Variants in USP34 observed in about 807,000 individuals in gnomAD.
USP34 encodes the protein ubiquitin carboxyl-terminal hydrolase 34.
A neutral mutation model predicts 460.3 loss-of-function variants in USP34; 70 were observed. The observed-to-expected ratio is 0.15, with a 90% CI of 0.13 to 0.19. The LOEUF is 0.19. USP34 is among the 10% of genes least tolerant of loss of function. USP34 has a pLI of 1.00. For synonymous variants in USP34, 1,647 were observed against 1,405.3 expected (o/e 1.17, Z -3.85); for missense variants, 3,985 against 4,236.2 (o/e 0.94, Z 1.65).
intron 33 of USP34, among the ~76,000 whole-genome samples, chr2:61,289,723 A>T (rs889523156): frequency 1.7e-4 from 26 of 152,304 alleles, no homozygotes; most frequent in African/African-American, 6.0e-4. Flanking sequence ...AATTGGTGCT[A>T]TAAAAACCAA....
intron 3 of USP34, among the ~76,000 whole-genome samples, chr2:61,402,010 G>A (rs1348494495): frequency 6.6e-6 from 1 of 151,786 alleles, no homozygotes; most frequent in African/African-American, 2.4e-5. Context: ...CCAGCACTTT[G>A]GAGGTCAAGG....
chr2:61,358,320 CAAAG>C (rs1028614238), intron 10 of USP34, among the ~76,000 whole-genome samples: 4 of 151,696 alleles, frequency 2.6e-5, no homozygotes, highest in Admixed American at 1.3e-4. Flanking sequence ...AAAAAAAAGA[CAAAG>C]AACTCAAAGC....
intron 5 of USP34, among the ~76,000 whole-genome samples, chr2:61,389,670 T>C (rs1490905698): frequency 6.6e-6 from 1 of 152,188 alleles, no homozygotes; most frequent in African/African-American, 2.4e-5. Flanking sequence ...TCTTTAACAC[T>C]ACTATAGATC....
chr2:61,418,576 C>T (rs868272440), intron 2 of USP34, among the ~76,000 whole-genome samples: 1 of 152,170 alleles, frequency 6.6e-6, no homozygotes, highest in African/African-American at 2.4e-5. Flanking sequence ...TCCACGGGCC[C>T]CAAGTTAAGA....
At chr2:61,416,823 G>GGGGGGGT in intron 2 of USP34, 1 of 379,128 alleles carries the variant, frequency 2.6e-6, no homozygotes, top group Non-Finnish European at 4.6e-6. Context: ...TTTTTTTTTG[G>GGGGGGGT]GGGGGGGGAC....
chr2:61,313,070 T>C (rs1690643013), intron 25 of USP34, among the ~76,000 whole-genome samples: 1 of 151,924 alleles, frequency 6.6e-6, no homozygotes, highest in Non-Finnish European at 1.5e-5. Flanking sequence ...GAAAAATACC[T>C]AAGTAAATTT....
intron 1 of USP34, among the ~76,000 whole-genome samples, chr2:61,457,826 T>G (rs778924298): frequency 6.6e-6 from 1 of 152,072 alleles, no homozygotes; most frequent in Non-Finnish European, 1.5e-5. Context: ...CCAGCCTGAG[T>G]GACAGAGTGA....
intron 75 of USP34, among the ~76,000 whole-genome samples, chr2:61,202,088 T>C (rs1686992548): frequency 6.6e-6 from 1 of 152,166 alleles, no homozygotes; most frequent in South Asian, 2.1e-4. Context: ...AATCTAAAAA[T>C]GCTCTAATCA....
intron 10 of USP34, among the ~76,000 whole-genome samples, chr2:61,360,173 C>T (rs1176383727): frequency 6.6e-6 from 1 of 152,032 alleles, no homozygotes; most frequent in Non-Finnish European, 1.5e-5. Flanking sequence ...AGTATTACCA[C>T]TCCTATTCAA....
At position 61,398,415 on chromosome 2, in the gene USP34, G is replaced by T. The variant is rs996570312; in HGVS notation, c.553-3182C>A. 4.1e-5 allele frequency among the ~76,000 whole-genome samples: 6 copies of T among 146,192 alleles called. 1 individual carries two copies. The highest frequency in any genetic ancestry group is 1.5e-4 in the African/African-American group (6 of 39,560). ...GAGGACAGAAAGAGAGGGAGAGAAG[G>T]GGGGTGAAAGGGTAAGGGAGGAGGA... On this transcript the variant is annotated intron_variant, in intron 3 of 79. Transcript: ENST00000398571.
chr2:61,234,488 T>C (rs1221958667), intron 57 of USP34, among the ~76,000 whole-genome samples: 1 of 152,026 alleles, frequency 6.6e-6, no homozygotes, highest in Non-Finnish European at 1.5e-5. Flanking sequence ...GGTGGATAGG[T>C]GAATTTTTTT....
intron 1 of USP34, among the ~76,000 whole-genome samples, chr2:61,464,158 A>C (rs1017429064): frequency 1.3e-5 from 2 of 152,172 alleles, no homozygotes; most frequent in African/African-American, 4.8e-5. Flanking sequence ...GTCTCGACTA[A>C]AAATACAAAC....
rs1308720738 is a variant in USP34 at position 61,272,414 on chromosome 2, A to G, written c.5433+5751T>C. On this transcript the variant is annotated intron_variant, in intron 41 of 79. Transcript: ENST00000398571. ...TGACAGAGGGAGACCCCATCTCAAA[A>G]AAAAAAAAAAAAAAAAATTAGGAGT... Among the ~76,000 whole-genome samples, 79 of 150,780 alleles carry G rather than the reference A, an allele frequency of 5.2e-4. No individual in the cohort carries two copies. The South Asian group carries it at 5.3e-3, about 10-fold the overall frequency.
At position 61,463,144 on chromosome 2, in the gene USP34, G is replaced by C. The variant is rs77364248; in HGVS notation, c.43+7506C>G. The stretch of plus-strand genomic sequence containing the variant: ...ATCTAAAAAGCTCTGGAAACATGTA[G>C]TTTTATTAAACGGTTCACTGCAGAA... On this transcript the variant is annotated intron_variant, in intron 1 of 79. Transcript: ENST00000398571. 1.6e-3 allele frequency among the ~76,000 whole-genome samples: 250 copies of C among 152,122 alleles called. 1 individual carries two copies. Among genetic ancestry groups the C allele is most frequent in the African/African-American group, 5.9e-3 (246 of 41,522 alleles).
chr2:61,248,653 C>G lies in USP34; in HGVS notation c.6252G>C (p.Leu2084Phe). 1 of 1,569,144 alleles carries G rather than the reference C, an allele frequency of 6.4e-7. No individual in the cohort carries two copies. Among genetic ancestry groups the G allele is most frequent in the Non-Finnish European group, 8.7e-7 (1 of 1,153,704 alleles). ...ATGTGTATCTCATAGTATTGAAACTCAAAATGCGAGGCAATTTCTTAAAAC... is the reference window on the plus strand; with the variant it reads ...ATGTGTATCTCATAGTATTGAAACTGAAAATGCGAGGCAATTTCTTAAAAC... ...RACFKKLPRILSFNTMRYTFN... is the reference protein window; with the variant it reads ...RACFKKLPRIFSFNTMRYTFN... The change falls in exon 49 of 80, where the codon TTG (leucine) becomes TTC (phenylalanine). Residue 2084 changes from leucine to phenylalanine, a missense_variant. Around this residue, in one of 14 missense-constraint regions of USP34, gnomAD observed 145 missense variants for 291.6 expected, o/e 0.50. Coordinates refer to ENST00000398571, the MANE Select transcript of USP34 (RefSeq NM_014709.4).
At chr2:61,215,657 A>T (rs1221764931) in intron 67 of USP34, among the ~76,000 whole-genome samples, 1 of 152,208 alleles carries the variant, frequency 6.6e-6, no homozygotes. Flanking sequence ...AGCAAAGACC[A>T]AGGTCACACA....
chr2:61,320,848 A>G (rs1282917883), intron 21 of USP34, among the ~76,000 whole-genome samples: 2 of 152,162 alleles, frequency 1.3e-5, no homozygotes, highest in Non-Finnish European at 2.9e-5. Flanking sequence ...CGTCTCTACT[A>G]AAAATACAAA....
chr2:61,350,172 GA>G, intron 12 of USP34, 87 bp downstream of exon 12: 1 of 1,355,974 alleles, frequency 7.4e-7, no homozygotes, highest in Non-Finnish European at 1.0e-6. Context: ...TTAAAATAAA[GA>G]TTGAACTGAA....
intron 34 of USP34, 113 bp downstream of exon 34, chr2:61,288,564 G>T: frequency 1.9e-6 from 2 of 1,073,600 alleles, no homozygotes; most frequent in Non-Finnish European, 2.8e-6. Flanking sequence ...CGTCAGTTCA[G>T]CTGTCAGGTT....
Sources: allele counts gnomAD v4.1 joint callset (sites outside exome capture counted in the v4.1 genomes callset), GRCh38; gene constraint gnomAD v4.1.1; regional missense constraint gnomAD v4.1.1; transcripts MANE v1.5; gene names NCBI Gene and HGNC (gene_info 2026-07-23, HGNC 2026-07-21).